CA10: variants seen among roughly 807,000 people sequenced by gnomAD.
CA10 encodes carbonic anhydrase-related protein 10.
CA10 carries 14 observed loss-of-function variants against 44.2 expected under a neutral mutation model. The observed-to-expected ratio is 0.32, with a 90% confidence interval of 0.21 to 0.50. The LOEUF is 0.50. CA10 is among the 20% of genes least tolerant of loss of function. The pLI, the probability that CA10 is intolerant of heterozygous loss-of-function variation, is 0.99. For synonymous variants in CA10, 159 were observed against 141.6 expected, an observed-to-expected ratio of 1.12 and a Z score of -0.87; for missense variants, 350 against 409.7, an observed-to-expected ratio of 0.85 and a Z score of 1.26.
rs1915829822 is a variant in CA10 at position 51,708,492 on chromosome 17, G to A, written c.465+39141C>T. Among the ~76,000 whole-genome samples, 3 of 152,226 alleles carry A rather than the reference G, an allele frequency of 2.0e-5. No homozygotes were observed. The South Asian group carries it at 6.2e-4, about 32-fold the overall frequency. On this transcript the variant is annotated intron_variant, in intron 4 of 8. Coordinates refer to ENST00000451037, the MANE Select transcript of CA10 (RefSeq NM_020178.5). ...AGAGAAAGTATACTTTTCCCCAGGT[G>A]TGCTGAGTGGCAGCTCTTATCCAGT...
intron 1 of CA10, among the ~76,000 whole-genome samples, chr17:52,112,983 A>T (rs561819703): frequency 1.4e-4 from 21 of 152,330 alleles, no homozygotes; most frequent in African/African-American, 4.6e-4. Flanking sequence ...TTCAGTTAAA[A>T]AGCTCAAGCA....
At chr17:51,872,606 G>A (rs985687617) in intron 3 of CA10, among the ~76,000 whole-genome samples, 18 of 152,310 alleles carry the variant, frequency 1.2e-4, no homozygotes, top group African/African-American at 4.3e-4. Flanking sequence ...AAGTCTCCTT[G>A]TAAGGGTATA....
chr17:51,792,739 T>C lies in CA10; in HGVS notation c.280-44921A>G, dbSNP rs188162135. On this transcript the variant is annotated intron_variant, in intron 3 of 8. Coordinates refer to ENST00000451037, the MANE Select transcript of CA10 (RefSeq NM_020178.5). ...ATACAGTGAGGAGTCATAAATCATG[T>C]GTGAGTAAACTTTAGAGACGATCAA... Among the ~76,000 whole-genome samples, 46 of 152,346 alleles carry C rather than the reference T, an allele frequency of 3.0e-4. 1 individual carries two copies. The highest frequency in any genetic ancestry group is 8.7e-4 in the African/African-American group (36 of 41,590).
chr17:52,066,438 C>T (rs1294773554), intron 2 of CA10, among the ~76,000 whole-genome samples: 1 of 152,156 alleles, frequency 6.6e-6, no homozygotes, highest in Non-Finnish European at 1.5e-5. Context: ...ATGTCAACGG[C>T]AGGGCCAGGT....
chr17:52,110,683 C>T (rs76867099), intron 1 of CA10, among the ~76,000 whole-genome samples: 8 of 152,296 alleles, frequency 5.3e-5, no homozygotes, highest in East Asian at 1.9e-4. Flanking sequence ...AGGTCTGAAG[C>T]ATAAATTGCA....
intron 4 of CA10, among the ~76,000 whole-genome samples, chr17:51,703,658 T>G (rs1300263305): frequency 6.6e-6 from 1 of 152,200 alleles, no homozygotes; most frequent in East Asian, 1.9e-4. Context: ...CCTCCCTTAA[T>G]GAGGTGTGCG....
chr17:51,736,382 G>A (rs866754166), intron 4 of CA10, among the ~76,000 whole-genome samples: 1 of 152,164 alleles, frequency 6.6e-6, no homozygotes, highest in African/African-American at 2.4e-5. Flanking sequence ...AACAGCAGCT[G>A]TTCCGGGATG....
At chr17:51,690,057 C>G (rs528324879) in intron 4 of CA10, among the ~76,000 whole-genome samples, 2 of 151,922 alleles carry the variant, frequency 1.3e-5, no homozygotes, top group Non-Finnish European at 2.9e-5. Flanking sequence ...AAGTGATTCT[C>G]CTGCCTCAGT....
intron 3 of CA10, among the ~76,000 whole-genome samples, chr17:51,843,828 G>T (rs1321463404): frequency 6.6e-6 from 1 of 152,106 alleles, no homozygotes; most frequent in Non-Finnish European, 1.5e-5. Context: ...TTCATGATTA[G>T]AGTCTCCACA....
At chr17:51,855,432 C>A (rs1978998250) in intron 3 of CA10, among the ~76,000 whole-genome samples, 1 of 152,190 alleles carries the variant, frequency 6.6e-6, no homozygotes, top group South Asian at 2.1e-4. Flanking sequence ...TAAGACCCAT[C>A]TCAACTTCAA....
At chr17:51,975,980 T>C (rs1984450477) in intron 2 of CA10, among the ~76,000 whole-genome samples, 1 of 151,794 alleles carries the variant, frequency 6.6e-6, no homozygotes, top group Non-Finnish European at 1.5e-5. Flanking sequence ...GAAAACATCA[T>C]GAAGATGTTA....
At chr17:51,949,760 A>G (rs1409472759) in intron 2 of CA10, among the ~76,000 whole-genome samples, 1 of 152,152 alleles carries the variant, frequency 6.6e-6, no homozygotes, top group Non-Finnish European at 1.5e-5. Flanking sequence ...GATGTTCCAT[A>G]GAGGAACCTT....
intron 1 of CA10, chr17:52,134,867 C>A: frequency 1.9e-6 from 1 of 518,982 alleles, no homozygotes; most frequent in Non-Finnish European, 3.8e-6. Flanking sequence ...CCCTGGGCTC[C>A]TTCTGACTCA....
chr17:51,819,222 C>T (rs529618346), intron 3 of CA10, among the ~76,000 whole-genome samples: 1 of 152,276 alleles, frequency 6.6e-6, no homozygotes, highest in East Asian at 1.9e-4. Flanking sequence ...AGTGTGGGTA[C>T]TGAGGAAACC....
intron 1 of CA10, among the ~76,000 whole-genome samples, chr17:52,120,337 A>C (rs1458690033): frequency 6.6e-6 from 1 of 152,124 alleles, no homozygotes; most frequent in Non-Finnish European, 1.5e-5. Context: ...TAGGCCTATG[A>C]GGGAGATCTG....
intron 3 of CA10, among the ~76,000 whole-genome samples, chr17:51,840,345 G>T (rs1199496665): frequency 6.6e-6 from 1 of 152,172 alleles, no homozygotes; most frequent in African/African-American, 2.4e-5. Context: ...TAATTGACAT[G>T]CATTCATTAG....
In CA10 at chr17:51,931,102, G is replaced by A; in HGVS notation, c.167C>T (p.Ala56Val). 6.2e-7 allele frequency: 1 copy of A among 1,613,592 alleles called. No homozygotes were observed. Among genetic ancestry groups the A allele is most frequent in the Non-Finnish European group, 8.5e-7 (1 of 1,179,660 alleles). The change falls in exon 3 of 9, where the codon GCT becomes GTT. Residue 56 changes from alanine to valine, a missense_variant. Ala to Val is a moderately conservative substitution (Grantham distance 64). Coordinates refer to ENST00000451037, the MANE Select transcript of CA10 (RefSeq NM_020178.5). The stretch of plus-strand genomic sequence containing the variant: ...TTTCCCCACAGAGCAAAGATTCCAA[G>A]CTGAGTTCACCAATCCCCAGAAAGA... ...VPSFWGLVNS[A>V]WNLCSVGKRQ... is the part of the protein sequence containing the mutation.
chr17:51,869,079 C>T (rs761499740), intron 3 of CA10, among the ~76,000 whole-genome samples: 1 of 151,766 alleles, frequency 6.6e-6, no homozygotes, highest in Admixed American at 6.6e-5. Flanking sequence ...TTTTGATGCT[C>T]ATAATAATTT....
At chr17:52,081,541 C>T (rs1019232289) in intron 1 of CA10, among the ~76,000 whole-genome samples, 4 of 152,116 alleles carry the variant, frequency 2.6e-5, no homozygotes, top group South Asian at 2.1e-4. Flanking sequence ...TGGCTCACGC[C>T]TGTAGTCCCA....
Sources: gnomAD v4.1 joint callset for allele counts (sites outside exome capture counted in the v4.1 genomes callset) on GRCh38, gnomAD v4.1.1 for gene constraint, MANE v1.5 for transcripts, NCBI Gene and HGNC (gene_info 2026-07-23, HGNC 2026-07-21) for gene names.